Variants in AREL1 observed in about 807,000 individuals in gnomAD.
AREL1 encodes the protein apoptosis resistant E3 ubiquitin protein ligase 1.
Under a neutral mutation model 99.0 loss-of-function variants are expected in AREL1, and 62 were observed. That is an observed-to-expected ratio of 0.63 (90% confidence interval 0.51 to 0.77). The LOEUF is 0.77. AREL1 is among the 30% of genes least tolerant of loss of function. The probability of loss-of-function intolerance (pLI) is 0.00; values close to 1 mark genes in which losing one functional copy is unlikely to be tolerated. For missense variants in AREL1, 879 were observed against 1,027.6 expected, an observed-to-expected ratio of 0.86 and a Z score of 1.98; for synonymous variants, 380 against 376.5, an observed-to-expected ratio of 1.01 and a Z score of -0.11.
chr14:74,684,655 T>C lies in AREL1; in HGVS notation c.42A>G (p.Ala14=). ...AGAGGAACTTAATTGTGAAGAAGAA[T>C]GCAACCACAGACACTGTGATTCCAC... is the stretch of plus-strand genomic sequence containing the variant. ...VIGGITVSVV[A]FFFTIKFLFE... The change falls in exon 4 of 20, where the codon GCA becomes GCG. Residue 14 remains alanine (A), a synonymous_variant. Transcript: ENST00000356357. 1 of 1,614,130 alleles carries C rather than the reference T, an allele frequency of 6.2e-7. No homozygotes were observed. Among genetic ancestry groups the C allele is most frequent in the South Asian group, 1.1e-5 (1 of 91,084 alleles).
chr14:74,670,028 T>G lies in AREL1; in HGVS notation c.1707A>C (p.Gly569=). 1 of 1,614,118 alleles carries G rather than the reference T, an allele frequency of 6.2e-7. No homozygotes were observed. The highest frequency in any genetic ancestry group is 8.5e-7 in the Non-Finnish European group (1 of 1,179,994). ...VGKCLYESSL[G]GAYKQLVRAR... ...CTCGGACCAACTGCTTGTAGGCTCC[T>G]CCTAGAGAGGACTCATAGAGACACT... is the stretch of plus-strand genomic sequence containing the variant. Residue 569 remains glycine, a synonymous_variant, in exon 14 of 20, where the codon GGA becomes GGC. Coordinates refer to ENST00000356357, the MANE Select transcript of AREL1 (RefSeq NM_001039479.2).
chr14:74,677,406 G>C (rs2089511247), intron 5 of AREL1, among the ~76,000 whole-genome samples: 1 of 151,754 alleles, frequency 6.6e-6, no homozygotes, highest in South Asian at 2.1e-4. Context: ...TAAGGCAAGA[G>C]GATCACTTTT....
At chr14:74,679,580 A>C (rs1594764302) in intron 5 of AREL1, among the ~76,000 whole-genome samples, 3 of 152,274 alleles carry the variant, frequency 2.0e-5, no homozygotes, top group East Asian at 3.9e-4. Context: ...TAATCCTAGC[A>C]CTTTGGGAGG....
intron 11 of AREL1, chr14:74,671,944 A>G (rs1030711491): frequency 2.9e-5 from 13 of 451,024 alleles, no homozygotes; most frequent in Middle Eastern, 6.6e-4. Flanking sequence ...TATGGCTGAG[A>G]AAACGGGTTT....
Position 74,670,771 on chromosome 14 carries a change from G to T in AREL1, c.1599C>A (p.Asn533Lys), listed in dbSNP as rs771544577. 1.2e-6 allele frequency: 2 copies of T among 1,613,890 alleles called. No homozygotes were observed. The highest frequency in any genetic ancestry group is 3.3e-5 in the Admixed American group (2 of 60,000). ...CCCGTCACCAACTCACTAATGCTTG[G>T]TTGTTGTCACTGAACCGGGTGAAGA... ...NQLFTRFSDN[N>K]QALVHPNPNR... The change falls in exon 13 of 20, where the codon AAC becomes AAA. Residue 533 changes from asparagine to lysine, a missense_variant. Transcript: ENST00000356357.
intron 1 of AREL1, among the ~76,000 whole-genome samples, chr14:74,706,618 A>G (rs2090184013): frequency 6.6e-6 from 1 of 152,224 alleles, no homozygotes; most frequent in Non-Finnish European, 1.5e-5. Context: ...CAGTTTTACC[A>G]AAGAAAGGTC....
chr14:74,696,830 G>A (rs2089986189), intron 1 of AREL1, among the ~76,000 whole-genome samples: 1 of 152,108 alleles, frequency 6.6e-6, no homozygotes, highest in African/African-American at 2.4e-5. Flanking sequence ...CACGCATGGT[G>A]GCACACACCT....
intron 1 of AREL1, among the ~76,000 whole-genome samples, chr14:74,693,339 A>C (rs1280850048): frequency 3.3e-5 from 5 of 152,256 alleles, no homozygotes; most frequent in Admixed American, 3.3e-4. Flanking sequence ...ACTACGAGTC[A>C]GGGGAAAATC....
intron 2 of AREL1, among the ~76,000 whole-genome samples, chr14:74,691,639 T>G (rs1467015211): frequency 6.6e-6 from 1 of 152,200 alleles, no homozygotes; most frequent in African/African-American, 2.4e-5. Context: ...ATCACTTGCT[T>G]ACGAAGGATC....
intron 18 of AREL1, 103 bp from the exon 19 acceptor site, chr14:74,664,177 T>C: frequency 9.1e-6 from 12 of 1,323,834 alleles, no homozygotes; most frequent in Non-Finnish European, 1.1e-5. Context: ...GTGCCCCAGT[T>C]ACCGTTCTAT....
intron 2 of AREL1, 86 bp from the exon 3 acceptor site, chr14:74,685,746 G>C: frequency 2.6e-6 from 3 of 1,171,076 alleles, no homozygotes; most frequent in Non-Finnish European, 3.7e-6. Context: ...TGTATGGCGT[G>C]AGCCAAACAA....
In AREL1 at chr14:74,675,834, T is replaced by A. The variant is rs750372619; in HGVS notation, c.945A>T (p.Pro315=). The A allele has an allele frequency of 2.2e-5, 36 of 1,614,054 alleles. No homozygotes were observed. The highest frequency in any genetic ancestry group is 6.7e-5 in the Admixed American group (4 of 60,000). ...GCTGGGAAGAGGTCATGTGCATGGG[T>A]GGCAGGTGCCATGGAGTGCTGCTAC... ...TNCSSTPWHL[P]PMHMTSSQRR... The change falls in exon 8 of 20, where the codon CCA becomes CCT. Residue 315 remains proline (P), a synonymous_variant. Coordinates refer to ENST00000356357, the MANE Select transcript of AREL1 (RefSeq NM_001039479.2).
At chr14:74,691,324 T>TTA (rs1555360006) in intron 2 of AREL1, among the ~76,000 whole-genome samples, 10 of 72,808 alleles carry the variant, frequency 1.4e-4, no homozygotes, top group African/African-American at 4.7e-4. Context: ...TGTCTCCATT[T>TTA]AAAAAAAAAA....
At chr14:74,672,073 T>G in intron 11 of AREL1, 1 of 431,048 alleles carries the variant, frequency 2.3e-6, no homozygotes, top group South Asian at 1.6e-5. Flanking sequence ...CAGACACACA[T>G]CAGGTGTTCC....
At chr14:74,701,618 A>G (rs1402855063) in intron 1 of AREL1, 1 of 152,154 alleles carries the variant, frequency 6.6e-6, no homozygotes, top group African/African-American at 2.4e-5. Context: ...ATGGGGACAC[A>G]GCCAAACCAT....
chr14:74,676,226 C>G lies in AREL1; in HGVS notation c.747G>C (p.Leu249=). ...AAGCATGGAAGCAGCCTCGAGAATG[C>G]AGGGTGAGTCGCAAGAACACCTGGA... The part of the protein sequence containing the change: ...QTFQVFLRLT[L]HSRGCFHACI... Residue 249 remains leucine (L), a synonymous_variant, in exon 7 of 20, where the codon CTG becomes CTC. Transcript: ENST00000356357. The G allele has an allele frequency of 1.2e-6, 2 of 1,614,112 alleles. No homozygotes were observed.
rs767522404 is a variant in AREL1, at chr14:74,676,329, A to G, written c.652-8T>C. The G allele has an allele frequency of 1.9e-6, 3 of 1,613,570 alleles. No individual in the cohort carries two copies. In the South Asian group the frequency reaches 3.3e-5, roughly 18 times the overall value. ...TTCTTCTTGAGGGCCGAGCTATAGG[A>G]AGGCAACAGAGCATCACTTAACATA... On this transcript the variant is annotated splice_region_variant and splice_polypyrimidine_tract_variant and intron_variant, in intron 6 of 19. Coordinates refer to ENST00000356357, the MANE Select transcript of AREL1 (RefSeq NM_001039479.2).
At chr14:74,707,874 G>A (rs2090214358) in intron 1 of AREL1, among the ~76,000 whole-genome samples, 1 of 150,554 alleles carries the variant, frequency 6.6e-6, no homozygotes, top group Non-Finnish European at 1.5e-5. Context: ...GGAGAATGGC[G>A]TGAACCCGGG....
rs760219444 is a variant in AREL1, at chr14:74,713,073, G to A, written c.-474C>T. The A allele has an allele frequency of 9.5e-6, 15 of 1,577,384 alleles. No homozygotes were observed. The highest frequency in any genetic ancestry group is 9.6e-6 in the Non-Finnish European group (11 of 1,148,736). ...CTCCACCCGGCCTGGGAACCGGCTC[G>A]GGGGATTGCCCTTTCCCCAAGGAGT... is the stretch of plus-strand genomic sequence containing the variant. On this transcript the variant is annotated 5_prime_UTR_variant, in exon 1 of 20. Coordinates refer to ENST00000356357, the MANE Select transcript of AREL1 (RefSeq NM_001039479.2).
Sources: allele counts gnomAD v4.1 joint callset (sites outside exome capture counted in the v4.1 genomes callset), GRCh38; gene constraint gnomAD v4.1.1; transcripts MANE v1.5; gene names NCBI Gene and HGNC (gene_info 2026-07-23, HGNC 2026-07-21).